The following LRRC4C variants were observed in gnomAD, a reference collection of about 807,000 sequenced individuals.
The protein encoded by LRRC4C is leucine-rich repeat-containing protein 4C.
Under a neutral mutation model 33.6 loss-of-function variants are expected in LRRC4C, and 5 were observed. The observed-to-expected ratio is 0.15, with a 90% CI of 0.08 to 0.31. The LOEUF (loss-of-function observed/expected upper bound fraction) is 0.31. LRRC4C is among the 10% of genes least tolerant of loss of function. The pLI, the probability that LRRC4C is intolerant of heterozygous loss-of-function variation, is 1.00. For synonymous variants in LRRC4C, 329 were observed against 302.0 expected, an observed-to-expected ratio of 1.09 and a Z score of -0.93; for missense variants, 560 against 796.7, an observed-to-expected ratio of 0.70 and a Z score of 3.58.
intron 1 of LRRC4C, among the ~76,000 whole-genome samples, chr11:41,079,406 G>A (rs1296676911): frequency 1.3e-5 from 2 of 152,232 alleles, no homozygotes; most frequent in African/African-American, 2.4e-5. Flanking sequence ...TTGAAGGATA[G>A]GCACGTTTGA....
chr11:41,240,656 T>C (rs1162760431), intron 1 of LRRC4C, among the ~76,000 whole-genome samples: 1 of 152,192 alleles, frequency 6.6e-6, no homozygotes, highest in East Asian at 1.9e-4. Flanking sequence ...TAATTGATTC[T>C]GGTAGGGGTC....
intron 1 of LRRC4C, among the ~76,000 whole-genome samples, chr11:41,378,237 C>G (rs535313424): frequency 2.5e-4 from 38 of 152,072 alleles, no homozygotes; most frequent in African/African-American, 9.2e-4. Context: ...CAGCATTCTA[C>G]TAAGAGATAA....
intron 1 of LRRC4C, among the ~76,000 whole-genome samples, chr11:41,092,866 AC>A (rs1410894280): frequency 1.3e-5 from 2 of 152,238 alleles, no homozygotes; most frequent in Non-Finnish European, 2.9e-5. Flanking sequence ...TGAAATATAT[AC>A]ATTTATTAGC....
chr11:41,243,497 T>C (rs930577835), intron 1 of LRRC4C, among the ~76,000 whole-genome samples: 1 of 152,226 alleles, frequency 6.6e-6, no homozygotes, highest in African/African-American at 2.4e-5. Context: ...TTTAGTTAGG[T>C]CCTTTCCTTC....
intron 3 of LRRC4C, among the ~76,000 whole-genome samples, chr11:40,547,248 G>A (rs1296935117): frequency 1.3e-5 from 2 of 152,066 alleles, no homozygotes; most frequent in Admixed American, 6.6e-5. Context: ...TTCATTTGCT[G>A]GGGAAGAGCT....
At chr11:40,160,436 C>A (rs555068925) in intron 5 of LRRC4C, among the ~76,000 whole-genome samples, 2 of 152,034 alleles carry the variant, frequency 1.3e-5, no homozygotes, top group Non-Finnish European at 2.9e-5. Flanking sequence ...TAAATTTCAT[C>A]TGAAAAATTT....
chr11:41,016,830 C>T (rs1855616574), intron 1 of LRRC4C, among the ~76,000 whole-genome samples: 1 of 152,060 alleles, frequency 6.6e-6, no homozygotes, highest in Admixed American at 6.5e-5. Context: ...GATTTTCTTC[C>T]AGAGGAGACA....
chr11:40,398,139 A>G (rs558138648), intron 3 of LRRC4C, among the ~76,000 whole-genome samples: 4 of 152,190 alleles, frequency 2.6e-5, no homozygotes, highest in East Asian at 1.9e-4. Context: ...GGAGAAGCTT[A>G]TTTCTTACTT....
intron 2 of LRRC4C, among the ~76,000 whole-genome samples, chr11:40,757,961 C>T (rs1451434061): frequency 6.6e-6 from 1 of 152,052 alleles, no homozygotes; most frequent in Non-Finnish European, 1.5e-5. Context: ...CTTAGTTTTA[C>T]ACCTGAGGCT....
chr11:40,576,804 C>T (rs556827773), intron 3 of LRRC4C, among the ~76,000 whole-genome samples: 3 of 152,260 alleles, frequency 2.0e-5, no homozygotes, highest in African/African-American at 7.2e-5. Flanking sequence ...CATCATTCTC[C>T]AGAGCAGAGG....
chr11:40,311,186 T>G (rs1052728301), intron 4 of LRRC4C, among the ~76,000 whole-genome samples: 1 of 152,204 alleles, frequency 6.6e-6, no homozygotes, highest in African/African-American at 2.4e-5. Context: ...ATCCTCAGTG[T>G]GATTGATATT....
intron 3 of LRRC4C, among the ~76,000 whole-genome samples, chr11:40,355,740 C>T (rs1193446410): frequency 6.6e-6 from 1 of 152,104 alleles, no homozygotes; most frequent in African/African-American, 2.4e-5. Flanking sequence ...TTCCTACTCT[C>T]CTCAGTGCCT....
chr11:40,721,527 G>C (rs1947013400), intron 2 of LRRC4C, among the ~76,000 whole-genome samples: 1 of 152,200 alleles, frequency 6.6e-6, no homozygotes, highest in Non-Finnish European at 1.5e-5. Context: ...CCTAACTTTT[G>C]CCAAGTAATC....
At chr11:40,422,267 T>G (rs1950548634) in intron 3 of LRRC4C, among the ~76,000 whole-genome samples, 1 of 152,118 alleles carries the variant, frequency 6.6e-6, no homozygotes, top group Admixed American at 6.6e-5. Context: ...CCTACGTAAT[T>G]GAAGAGACAA....
At chr11:40,658,137 T>C (rs1236736980) in intron 2 of LRRC4C, among the ~76,000 whole-genome samples, 2 of 152,188 alleles carry the variant, frequency 1.3e-5, no homozygotes, top group South Asian at 2.1e-4. Context: ...AGGACACATA[T>C]TAACTCTCCC....
intron 1 of LRRC4C, among the ~76,000 whole-genome samples, chr11:40,979,770 C>T (rs74721415): frequency 6.6e-6 from 1 of 152,152 alleles, no homozygotes; most frequent in African/African-American, 2.4e-5. Context: ...CCTAATGAAA[C>T]ATATTCCTTG....
chr11:40,475,985 T>C (rs1403092343), intron 3 of LRRC4C, among the ~76,000 whole-genome samples: 2 of 152,124 alleles, frequency 1.3e-5, no homozygotes, highest in Non-Finnish European at 2.9e-5. Flanking sequence ...CGCTGTGCAT[T>C]TTAGGATATT....
At chr11:41,062,707 T>G (rs545012827) in intron 1 of LRRC4C, among the ~76,000 whole-genome samples, 2 of 152,286 alleles carry the variant, frequency 1.3e-5, no homozygotes, top group South Asian at 4.1e-4. Flanking sequence ...AATGTGACAT[T>G]GTTTGAAAAT....
chr11:41,177,668 G>A lies in LRRC4C; in HGVS notation c.-495-243945C>T, dbSNP rs113992851. 3.7e-3 allele frequency among the ~76,000 whole-genome samples: 566 copies of A among 152,240 alleles called. 7 individuals carry two copies. The highest frequency in any genetic ancestry group is 0.013 in the African/African-American group (550 of 41,550). On this transcript the variant is annotated intron_variant, in intron 1 of 6. Coordinates refer to ENST00000528697, the MANE Select transcript of LRRC4C (RefSeq NM_001258419.2). ...AATGTTGACTCCCCTGCAATCAGAA[G>A]TGGGTTACATCCCAAGCCTTCACAC...
Sources: allele counts gnomAD v4.1 joint callset (sites outside exome capture counted in the v4.1 genomes callset), GRCh38; gene constraint gnomAD v4.1.1; transcripts MANE v1.5; gene names NCBI Gene and HGNC (gene_info 2026-07-23, HGNC 2026-07-21).